Variants in PARL observed in about 807,000 individuals in gnomAD.
The protein encoded by PARL is presenilin associated rhomboid like, also known as presenilin-associated rhomboid-like protein, mitochondrial.
A neutral mutation model predicts 51.6 loss-of-function variants in PARL; 44 were observed. The observed-to-expected ratio is 0.85, with a 90% confidence interval of 0.67 to 1.10. PARL has a LOEUF of 1.10. Ranked by LOEUF, PARL falls within the 50% of genes least tolerant of loss-of-function variation. PARL has a pLI of 0.00. For synonymous variants in PARL, 172 were observed against 164.0 expected (o/e 1.05, Z -0.37); for missense variants, 441 against 469.5 (o/e 0.94, Z 0.56).
At chr3:183,851,819 G>A (rs1730577410) in intron 4 of PARL, among the ~76,000 whole-genome samples, 1 of 152,060 alleles carries the variant, frequency 6.6e-6, no homozygotes, top group Non-Finnish European at 1.5e-5. Flanking sequence ...CTAGCAAAAT[G>A]GAAATCAAAA....
intron 4 of PARL, among the ~76,000 whole-genome samples, chr3:183,847,297 G>A (rs113073483): frequency 0.011 from 1,705 of 152,262 alleles, 40 homozygotes; most frequent in African/African-American, 0.04. Context: ...GGTGGCTCAC[G>A]CCTATAATCC....
At chr3:183,868,237 G>A (rs996673383) in intron 1 of PARL, among the ~76,000 whole-genome samples, 177 bp from the exon 2 acceptor site, 2 of 152,106 alleles carry the variant, frequency 1.3e-5, no homozygotes, top group Non-Finnish European at 2.9e-5. Flanking sequence ...CAACCTTTCT[G>A]GAAAAGGTGA....
In PARL at chr3:183,872,484, T is replaced by C. The variant is rs575137453; in HGVS notation, c.126-4424A>G. The stretch of plus-strand genomic sequence containing the variant: ...GAAAAGGTTTGAGTAAGTTCATCTA[T>C]TTTGGAAAGTTATAAACTTATGCAA... On this transcript the variant is annotated intron_variant, in intron 1 of 9. Transcript: ENST00000317096. Among the ~76,000 whole-genome samples the C allele has an allele frequency of 2.0e-5, 3 of 152,360 alleles. No homozygotes were observed. In the East Asian group the frequency reaches 5.8e-4, roughly 29 times the overall value.
At chr3:183,839,870 C>T (rs1173606296) in intron 7 of PARL, among the ~76,000 whole-genome samples, 1 of 152,168 alleles carries the variant, frequency 6.6e-6, no homozygotes, top group African/African-American at 2.4e-5. Flanking sequence ...GTAGCTGAGA[C>T]TACCGGCATA....
chr3:183,840,331 A>G lies in PARL; in HGVS notation c.828+239T>C, dbSNP rs140863846. On this transcript the variant is annotated intron_variant, in intron 7 of 9. Coordinates refer to ENST00000317096, the MANE Select transcript of PARL (RefSeq NM_018622.7). ...ATACTCTGCTCTGGTAAACATATAT[A>G]TATGACCAATGGTTAAAAGCTATAG... Among the ~76,000 whole-genome samples, 20 of 152,328 alleles carry G rather than the reference A, an allele frequency of 1.3e-4. No individual in the cohort carries two copies. The East Asian group carries it at 3.7e-3, about 28-fold the overall frequency.
intron 2 of PARL, among the ~76,000 whole-genome samples, 171 bp downstream of exon 2, chr3:183,867,694 C>T (rs1226478236): frequency 8.3e-5 from 12 of 145,300 alleles, no homozygotes; most frequent in East Asian, 3.9e-4. Flanking sequence ...AGTGAGACTC[C>T]GTCTCAAAAA....
chr3:183,853,350 G>T (rs1730763146), intron 4 of PARL, among the ~76,000 whole-genome samples: 1 of 152,286 alleles, frequency 6.6e-6, no homozygotes, highest in Non-Finnish European at 1.5e-5. Context: ...ATCATTTGAA[G>T]TCAGGGTTTC....
intron 4 of PARL, among the ~76,000 whole-genome samples, chr3:183,847,069 C>T (rs1303503555): frequency 6.6e-6 from 1 of 152,182 alleles, no homozygotes; most frequent in East Asian, 1.9e-4. Flanking sequence ...TATGCTGGTC[C>T]CCAGAAGCGG....
chr3:183,835,695 C>T (rs910211785), intron 7 of PARL, among the ~76,000 whole-genome samples: 8 of 151,728 alleles, frequency 5.3e-5, no homozygotes, highest in East Asian at 1.9e-4. Context: ...AGTGAAACCC[C>T]GTCTCTACTA....
intron 7 of PARL, among the ~76,000 whole-genome samples, chr3:183,835,210 C>T (rs10937152): frequency 0.18 from 26,908 of 150,638 alleles, 2,644 homozygotes; most frequent in East Asian, 0.43. Flanking sequence ...TGAAAGAAGC[C>T]CCTATCATTA....
chr3:183,868,908 ATTAT>A (rs1023133590), intron 1 of PARL, among the ~76,000 whole-genome samples: 3 of 152,126 alleles, frequency 2.0e-5, no homozygotes, highest in Admixed American at 2.0e-4. Flanking sequence ...CATCCACCAA[ATTAT>A]TTGTGAGCTG....
At chr3:183,863,455 T>C (rs1732079328) in intron 3 of PARL, among the ~76,000 whole-genome samples, 1 of 152,146 alleles carries the variant, frequency 6.6e-6, no homozygotes, top group African/African-American at 2.4e-5. Context: ...CTATTCTCTC[T>C]ACATTTGTAT....
intron 7 of PARL, among the ~76,000 whole-genome samples, chr3:183,836,894 C>A (rs563243289): frequency 5.3e-5 from 8 of 152,270 alleles, no homozygotes; most frequent in South Asian, 4.1e-4. Context: ...GTACACACCA[C>A]CATGCCCAGC....
chr3:183,872,242 T>C (rs1185398828), intron 1 of PARL, among the ~76,000 whole-genome samples: 1 of 152,120 alleles, frequency 6.6e-6, no homozygotes, highest in Non-Finnish European at 1.5e-5. Context: ...CCTCAGATGA[T>C]CCACCCGCCT....
At chr3:183,829,203 G>A (rs1727636019), downstream of PARL, 1 of 277,684 alleles carries the variant, frequency 3.6e-6, no homozygotes, top group Non-Finnish European at 6.9e-6. Context: ...CCAACCCAGG[G>A]GAGGGGGAGG....
intron 4 of PARL, among the ~76,000 whole-genome samples, chr3:183,853,384 G>A (rs1342492488): frequency 6.6e-6 from 1 of 152,034 alleles, no homozygotes; most frequent in South Asian, 2.1e-4. Context: ...CCAACATGGC[G>A]AAACCCCATC....
In PARL at chr3:183,833,551, C is replaced by G. The variant is rs755402636; in HGVS notation, c.969G>C (p.Met323Ile). The G allele has an allele frequency of 2.5e-6, 4 of 1,614,006 alleles. No individual in the cohort carries two copies. In the South Asian group the frequency reaches 3.3e-5, roughly 13 times the overall value. The change falls in exon 9 of 10, where the codon ATG (methionine) becomes ATC (isoleucine). Residue 323 changes from methionine to isoleucine, a missense_variant. Physicochemically the swap from Met to Ile is conservative, Grantham distance 10 (BLOSUM62 1). Transcript: ENST00000317096. ...KAIIAMDTAG[M>I]ILGWKFFDHA... ...GATCAAAAAATTTCCATCCCAGGATCATTCCTGCTGTATCCATGGCGATAA... is the reference window on the plus strand; with the variant it reads ...GATCAAAAAATTTCCATCCCAGGATGATTCCTGCTGTATCCATGGCGATAA...
chr3:183,864,790 A>AG (rs536569912), intron 3 of PARL, among the ~76,000 whole-genome samples: 5 of 151,992 alleles, frequency 3.3e-5, no homozygotes, highest in Admixed American at 3.3e-4. Context: ...AAAAAAAAAA[A>AG]GAAACAAAAT....
intron 4 of PARL, among the ~76,000 whole-genome samples, chr3:183,851,767 TACTC>T (rs1408007661): frequency 6.6e-6 from 1 of 151,944 alleles, no homozygotes; most frequent in Admixed American, 6.6e-5. Context: ...GAAACACAAA[TACTC>T]AATAAGCACA....
Sources: gnomAD v4.1 joint callset for allele counts (sites outside exome capture counted in the v4.1 genomes callset) on GRCh38, gnomAD v4.1.1 for gene constraint, MANE v1.5 for transcripts, NCBI Gene and HGNC (gene_info 2026-07-23, HGNC 2026-07-21) for gene names.